The following MTBP variants were observed in gnomAD, a reference collection of about 807,000 sequenced individuals.
The protein encoded by MTBP is mdm2-binding protein.
A neutral mutation model predicts 117.0 loss-of-function variants in MTBP; 101 were observed. That is an observed-to-expected ratio of 0.86 (90% confidence interval 0.73 to 1.02). The LOEUF (loss-of-function observed/expected upper bound fraction) is 1.02. Ranked by LOEUF, MTBP falls within the 50% of genes least tolerant of loss-of-function variation. MTBP has a pLI of 0.00. For synonymous variants in MTBP, 350 were observed against 351.5 expected (o/e 1.00, Z 0.05); for missense variants, 970 against 1,030.9 (o/e 0.94, Z 0.81).
chr8:120,480,828 AAAAC>A (rs567168373), intron 11 of MTBP, among the ~76,000 whole-genome samples: 39 of 152,312 alleles, frequency 2.6e-4, no homozygotes, highest in African/African-American at 7.5e-4. Context: ...TTAGAAAAAG[AAAAC>A]AAATTTATAA....
chr8:120,467,978 A>T (rs1225160230), intron 10 of MTBP, among the ~76,000 whole-genome samples: 1 of 152,204 alleles, frequency 6.6e-6, no homozygotes, highest in Non-Finnish European at 1.5e-5. Context: ...AGAAAGCTAT[A>T]ACTGGGACTC....
chr8:120,462,078 A>G (rs1287642566), intron 9 of MTBP, among the ~76,000 whole-genome samples: 1 of 152,164 alleles, frequency 6.6e-6, no homozygotes, highest in Non-Finnish European at 1.5e-5. Flanking sequence ...GCAGTTGCTA[A>G]GTGATCAGAT....
At chr8:120,494,556 G>A (rs1814413604) in intron 13 of MTBP, among the ~76,000 whole-genome samples, 1 of 152,118 alleles carries the variant, frequency 6.6e-6, no homozygotes, top group Admixed American at 6.6e-5. Context: ...TACGTATGCT[G>A]CTATTTCTTG....
At chr8:120,494,493 G>T (rs1814412569) in intron 13 of MTBP, among the ~76,000 whole-genome samples, 1 of 152,146 alleles carries the variant, frequency 6.6e-6, no homozygotes, top group South Asian at 2.1e-4. Context: ...CAGTCCCTGT[G>T]TTTATAGACA....
chr8:120,498,546 T>G (rs1814518049), intron 14 of MTBP, among the ~76,000 whole-genome samples: 1 of 152,234 alleles, frequency 6.6e-6, no homozygotes, highest in Admixed American at 6.5e-5. Context: ...TGCCTCTGCT[T>G]CTTTATCTTT....
chr8:120,445,501 G>T lies in MTBP; in HGVS notation c.31G>T (p.Gly11Trp), dbSNP rs745761833. 5.6e-6 allele frequency: 9 copies of T among 1,613,462 alleles called. No homozygotes were observed. Residue 11 changes from glycine to tryptophan, a missense_variant, in exon 1 of 22, where the codon GGG (glycine) becomes TGG (tryptophan). Coordinates refer to ENST00000305949, the MANE Select transcript of MTBP (RefSeq NM_022045.5). MDRYLLLVIW[G>W]EGKFPSAASR... is the part of the protein sequence containing the mutation. Reference sequence around the variant, plus strand: ...TCGGTACCTGCTGCTGGTGATCTGGGGGGAAGGAAAATTCCCGTCGGCGGC... The same window carrying T: ...TCGGTACCTGCTGCTGGTGATCTGGTGGGAAGGAAAATTCCCGTCGGCGGC...
chr8:120,481,053 C>A (rs994274000), intron 11 of MTBP, among the ~76,000 whole-genome samples: 1 of 152,110 alleles, frequency 6.6e-6, no homozygotes, highest in Non-Finnish European at 1.5e-5. Flanking sequence ...AAAGAAGATA[C>A]ACGAATAACT....
intron 2 of MTBP, among the ~76,000 whole-genome samples, chr8:120,449,736 G>C (rs1813299140): frequency 6.6e-6 from 1 of 152,206 alleles, no homozygotes; most frequent in South Asian, 2.1e-4. Context: ...CAGAAGCCAA[G>C]TGTTTTAAAG....
intron 2 of MTBP, among the ~76,000 whole-genome samples, chr8:120,448,870 C>G (rs368311628): frequency 1.3e-5 from 2 of 151,948 alleles, no homozygotes; most frequent in Non-Finnish European, 2.9e-5. Context: ...GTTTGAGGGA[C>G]GGAAAGTACA....
At chr8:120,511,397 G>C (rs1193527675) in intron 17 of MTBP, among the ~76,000 whole-genome samples, 4 of 152,220 alleles carry the variant, frequency 2.6e-5, no homozygotes, top group African/African-American at 7.2e-5. Flanking sequence ...CCGGGTTCAA[G>C]TGATTCTCAT....
At chr8:120,484,221 G>C (rs1814161084) in intron 11 of MTBP, among the ~76,000 whole-genome samples, 1 of 152,092 alleles carries the variant, frequency 6.6e-6, no homozygotes, top group Non-Finnish European at 1.5e-5. Context: ...TAAGGTCACT[G>C]TATCTTTTGG....
rs374450617 is a variant in MTBP at position 120,461,266 on chromosome 8, A to G, written c.977+11A>G. 31 of 1,522,254 alleles carry G rather than the reference A, an allele frequency of 2.0e-5. No homozygotes were observed. The highest frequency in any genetic ancestry group is 2.8e-5 in the Non-Finnish European group (31 of 1,099,148). 94.3% of individuals were successfully genotyped at this position (1,522,254 alleles called of 1,614,324 possible). A position where few individuals can be genotyped will look rare whatever the true frequency, so the allele number is the denominator to read the frequency against. ...TATTGAATTTGAGTTGTATCCTTTC[A>G]TTTACATGTTCATTTTAGATTACAT... On this transcript the variant is annotated intron_variant, in intron 9 of 21. Coordinates refer to ENST00000305949, the MANE Select transcript of MTBP (RefSeq NM_022045.5).
At chr8:120,505,950 A>G (rs1814677419) in intron 15 of MTBP, among the ~76,000 whole-genome samples, 1 of 152,100 alleles carries the variant, frequency 6.6e-6, no homozygotes. Flanking sequence ...AACCTTTTGT[A>G]TGTTAGCATC....
In MTBP at chr8:120,517,859, A is replaced by C. The variant is rs776705271; in HGVS notation, c.2255A>C (p.Lys752Thr). Residue 752 changes from lysine to threonine, a missense_variant, in exon 19 of 22, where the codon AAA becomes ACA. Coordinates refer to ENST00000305949, the MANE Select transcript of MTBP (RefSeq NM_022045.5). ...TTTCCCCTGCTATATAGACTTGTGA[A>C]ATCTGAAAGTTCAGAGTCTCTTCTT... ...NCLYPRKRLV[K>T]SESSESLLSQ... 6.2e-7 allele frequency: 1 copy of C among 1,610,508 alleles called. No individual in the cohort carries two copies.
intron 11 of MTBP, among the ~76,000 whole-genome samples, chr8:120,483,295 C>T (rs569894670): frequency 9.2e-5 from 14 of 151,804 alleles, no homozygotes; most frequent in African/African-American, 3.1e-4. Flanking sequence ...AGTATAGCCT[C>T]CTAAGATGCC....
At chr8:120,481,293 T>C (rs1814079044) in intron 11 of MTBP, among the ~76,000 whole-genome samples, 1 of 152,218 alleles carries the variant, frequency 6.6e-6, no homozygotes, top group African/African-American at 2.4e-5. Context: ...TGCACTTGGC[T>C]GTACAACCCA....
At chr8:120,481,143 ACACT>A (rs1814074665) in intron 11 of MTBP, among the ~76,000 whole-genome samples, 1 of 152,202 alleles carries the variant, frequency 6.6e-6, no homozygotes, top group South Asian at 2.1e-4. Context: ...ATTCTACAAC[ACACT>A]CACTAGAATG....
At chr8:120,461,483 T>C (rs1409601990) in intron 9 of MTBP, among the ~76,000 whole-genome samples, 1 of 152,184 alleles carries the variant, frequency 6.6e-6, no homozygotes, top group Non-Finnish European at 1.5e-5. Context: ...ATCAGAAATC[T>C]TCCTCCCTAT....
intron 14 of MTBP, among the ~76,000 whole-genome samples, chr8:120,499,627 G>T (rs1814538369): frequency 6.6e-6 from 1 of 152,092 alleles, no homozygotes; most frequent in South Asian, 2.1e-4. Flanking sequence ...ATCATATTCT[G>T]ACGACTCATT....
Sources: allele counts gnomAD v4.1 joint callset (sites outside exome capture counted in the v4.1 genomes callset), GRCh38; gene constraint gnomAD v4.1.1; transcripts MANE v1.5; gene names NCBI Gene and HGNC (gene_info 2026-07-23, HGNC 2026-07-21).